ZNF28: variants seen among roughly 807,000 people sequenced by gnomAD.
ZNF28 encodes the protein zinc finger protein 28.
ZNF28 carries 5 observed loss-of-function variants against 7.2 expected under a neutral mutation model. The ratio of observed to expected loss-of-function variants is 0.70; its 90% CI spans 0.36 to 1.46. The LOEUF is 1.46. Ranked by LOEUF, ZNF28 falls within the 40% of genes most tolerant of loss-of-function variation. ZNF28 has a pLI of 0.03. For missense variants in ZNF28, 879 were observed against 866.6 expected, an observed-to-expected ratio of 1.01 and a Z score of -0.18; for synonymous variants, 288 against 292.4, an observed-to-expected ratio of 0.99 and a Z score of 0.15.
chr19:52,799,240 C>T lies in ZNF28; in HGVS notation c.*448G>A, dbSNP rs538279572. The T allele has an allele frequency of 8.2e-4, 311 of 380,452 alleles. 1 individual carries two copies. Among genetic ancestry groups the T allele is most frequent in the Non-Finnish European group, 1.3e-3 (260 of 195,710 alleles). The allele number at this position is 380,452 out of a possible 1,614,324, so 23.6% of individuals were successfully genotyped here. ...TGAATTACAAGGTATGAATTTTGAC[C>T]AAAGGTGTTGCCACACTCATCACAT... is the stretch of plus-strand genomic sequence containing the variant. On this transcript the variant is annotated 3_prime_UTR_variant, in exon 4 of 4. Coordinates refer to ENST00000457749, the MANE Select transcript of ZNF28 (RefSeq NM_006969.5).
rs2062858317 is a variant in ZNF28 at position 52,800,860 on chromosome 19, AT to A, written c.984del (p.Lys328AsnfsTer15). 5.0e-6 allele frequency: 8 copies of A among 1,613,964 alleles called. No homozygotes were observed. The highest frequency in any genetic ancestry group is 6.8e-6 in the Non-Finnish European group (8 of 1,179,978). ...KIIYTGGKPYKCKVCDKAFTC... is the reference protein window; with the variant it reads ...KIIYTGGKPYXCKVCDKAFTC... ...GTGAAAGCTTTGTCACAAACCTTAC[AT>A]TTGTATGGTTTCCCTCCAGTATAAA... On this transcript the variant is annotated frameshift_variant, in exon 4 of 4. Coordinates refer to ENST00000457749, the MANE Select transcript of ZNF28 (RefSeq NM_006969.5). LOFTEE classifies it low-confidence loss of function (END_TRUNC).
In ZNF28 at chr19:52,806,353, C is replaced by G. The variant is rs558661689; in HGVS notation, c.142+1654G>C. Among the ~76,000 whole-genome samples the G allele has an allele frequency of 3.5e-3, 535 of 152,112 alleles. 2 individuals carry two copies. Among genetic ancestry groups the G allele is most frequent in the Non-Finnish European group, 5.9e-3 (403 of 68,010 alleles). Reference sequence around the variant, plus strand: ...GGATTACAGCCACCCACCACGGCGCCTGGCTAATTTTTGTAACTTTAGTAG... The same window carrying G: ...GGATTACAGCCACCCACCACGGCGCGTGGCTAATTTTTGTAACTTTAGTAG... On this transcript the variant is annotated intron_variant, in intron 3 of 3. Transcript: ENST00000457749.
In ZNF28 at chr19:52,811,434, T is replaced by C. The variant is rs1463947617; in HGVS notation, c.16-3301A>G. On this transcript the variant is annotated intron_variant, in intron 2 of 3. Coordinates refer to ENST00000457749, the MANE Select transcript of ZNF28 (RefSeq NM_006969.5). Reference sequence around the variant, plus strand: ...GCGTCTCTGCCCGGCCGCCATCCCATCTAGGAAGCGAGGAGCGCCTCTTCC... The same window carrying C: ...GCGTCTCTGCCCGGCCGCCATCCCACCTAGGAAGCGAGGAGCGCCTCTTCC... 1.5e-3 allele frequency among the ~76,000 whole-genome samples: 218 copies of C among 141,336 alleles called. 1 individual carries two copies. Among genetic ancestry groups the C allele is most frequent in the Middle Eastern group, 3.8e-3 (1 of 260 alleles). The allele number at this position is 141,336 out of a possible 152,430, so 92.7% of individuals were successfully genotyped here.
In ZNF28 at chr19:52,801,572, C is replaced by A. The variant is rs763212425; in HGVS notation, c.273G>T (p.Glu91Asp). The A allele has an allele frequency of 1.2e-6, 2 of 1,613,998 alleles. No homozygotes were observed. Among genetic ancestry groups the A allele is most frequent in the East Asian group, 4.5e-5 (2 of 44,892 alleles). Residue 91 changes from glutamate (E) to aspartate (D), a missense_variant, in exon 4 of 4, where the codon GAG becomes GAT. Around this residue, in one of 2 missense-constraint regions of ZNF28, gnomAD observed 864 missense variants for 830.2 expected, o/e 1.04. Coordinates refer to ENST00000457749, the MANE Select transcript of ZNF28 (RefSeq NM_006969.5). The stretch of plus-strand genomic sequence containing the variant: ...GAAACTGGAAGCCATGAATGTCTTT[C>A]TCAATTTTCTGGAAGCAAAAATCTC... ...HIGDFCFQKI[E>D]KDIHGFQFQW...
At chr19:52,810,206 G>C in intron 2 of ZNF28, 1 of 1,067,586 alleles carries the variant, frequency 9.4e-7, no homozygotes, top group Non-Finnish European at 1.5e-6. Flanking sequence ...AGCTAAAGGA[G>C]CTACAGAACG....
At chr19:52,807,535 G>A (rs1355512724) in intron 3 of ZNF28, among the ~76,000 whole-genome samples, 1 of 152,170 alleles carries the variant, frequency 6.6e-6, no homozygotes, top group Non-Finnish European at 1.5e-5. Context: ...GTGCAGTGGT[G>A]TGTTCTCAGC....
At chr19:52,808,629 C>T (rs1000978818) in intron 2 of ZNF28, among the ~76,000 whole-genome samples, 7 of 122,236 alleles carry the variant, frequency 5.7e-5, no homozygotes, top group Non-Finnish European at 5.2e-5. Context: ...AACTCCATCT[C>T]AAAAAAAAAA....
Position 52,800,573 on chromosome 19 carries a change from T to G in ZNF28, c.1272A>C (p.Ser424=). Reference sequence around the variant, plus strand: ...GAATTATACTATGTTTTGCCAGGTATGAATTATATGCAAAAGCCTTGTCAC... The same window carrying G: ...GAATTATACTATGTTTTGCCAGGTAGGAATTATATGCAAAAGCCTTGTCAC... The part of the protein sequence containing the change: ...KVCDKAFAYN[S]YLAKHSIIHT... The change falls in exon 4 of 4, where the codon TCA becomes TCC. Residue 424 remains serine, a synonymous_variant. Coordinates refer to ENST00000457749, the MANE Select transcript of ZNF28 (RefSeq NM_006969.5). 1 of 1,613,672 alleles carries G rather than the reference T, an allele frequency of 6.2e-7. No individual in the cohort carries two copies.
At position 52,800,989 on chromosome 19, in the gene ZNF28, G is replaced by T; in HGVS notation, c.856C>A (p.Leu286Ile). 2.5e-6 allele frequency: 4 copies of T among 1,614,128 alleles called. No individual in the cohort carries two copies. The highest frequency in any genetic ancestry group is 3.4e-6 in the Non-Finnish European group (4 of 1,180,002). Residue 286 changes from leucine (L) to isoleucine (I), a missense_variant, in exon 4 of 4, where the codon CTC becomes ATC. Transcript: ENST00000457749. ...CGKIFGHNTS[L>I]FLHKALHTAD... ...GTATGAAGCGCCTTGTGAAGGAAGAGGGATGTATTGTGACCAAAGATCTTG... is the reference window on the plus strand; with the variant it reads ...GTATGAAGCGCCTTGTGAAGGAAGATGGATGTATTGTGACCAAAGATCTTG...
Position 52,801,393 on chromosome 19 carries a change from A to G in ZNF28, c.452T>C (p.Leu151Pro), listed in dbSNP as rs750069668. 5.1e-5 allele frequency: 83 copies of G among 1,614,086 alleles called. No individual in the cohort carries two copies. The highest frequency in any genetic ancestry group is 6.7e-5 in the Non-Finnish European group (79 of 1,180,042). ...TTTCCCTTCAGGCTGAAATATGTGC[A>G]GTTCAGGCAGATGCGAATGAAAGCT... ...GLSFHSHLPELHIFQPEGKIG... is the reference protein window; with the variant it reads ...GLSFHSHLPEPHIFQPEGKIG... Residue 151 changes from leucine to proline, a missense_variant, in exon 4 of 4, where the codon CTG becomes CCG. Physicochemically the swap from Leu to Pro is moderately conservative, Grantham distance 98. This residue lies in a region of ZNF28 where 864 missense variants were observed against 830.2 expected (regional missense o/e 1.04). Coordinates refer to ENST00000457749, the MANE Select transcript of ZNF28 (RefSeq NM_006969.5).
chr19:52,811,787 A>G (rs1319099567), intron 2 of ZNF28, among the ~76,000 whole-genome samples: 8 of 143,640 alleles, frequency 5.6e-5, no homozygotes, highest in African/African-American at 1.9e-4. Flanking sequence ...CCGCCCGGCC[A>G]GCCGCCCCGT....
chr19:52,798,588 C>A lies in ZNF28; in HGVS notation c.*1100G>T, dbSNP rs2062824374. ...TGAATGTGAAGTAAACGCTTTGCCA[C>A]AATCATCACACTTGTGAGTTTCTCT... On this transcript the variant is annotated 3_prime_UTR_variant, in exon 4 of 4. Transcript: ENST00000457749. 2 of 480,716 alleles carry A rather than the reference C, an allele frequency of 4.2e-6. No individual in the cohort carries two copies. Among genetic ancestry groups the A allele is most frequent in the Admixed American group, 4.7e-5 (2 of 42,846 alleles). 29.8% of individuals were successfully genotyped at this position (480,716 alleles called of 1,614,324 possible). A position where few individuals can be genotyped will look rare whatever the true frequency, so the allele number is the denominator to read the frequency against.
At chr19:52,808,845 C>T (rs1295123587) in intron 2 of ZNF28, among the ~76,000 whole-genome samples, 1 of 151,868 alleles carries the variant, frequency 6.6e-6, no homozygotes, top group Non-Finnish European at 1.5e-5. Flanking sequence ...AACAAAATTA[C>T]TCAAAGTACA....
intron 2 of ZNF28, among the ~76,000 whole-genome samples, chr19:52,815,897 A>G (rs191757771): frequency 6.8e-6 from 1 of 147,532 alleles, no homozygotes; most frequent in Non-Finnish European, 1.5e-5. Flanking sequence ...ACAAACTCCA[A>G]TGACGTGAGT....
chr19:52,808,331 G>A (rs533799179), intron 2 of ZNF28, among the ~76,000 whole-genome samples, 198 bp from the exon 3 acceptor site: 1 of 152,222 alleles, frequency 6.6e-6, no homozygotes, highest in South Asian at 2.1e-4. Flanking sequence ...AAATTCCTAA[G>A]TTTGTGAAAA....
At chr19:52,812,706 A>G (rs921215271) in intron 2 of ZNF28, among the ~76,000 whole-genome samples, 9 of 124,986 alleles carry the variant, frequency 7.2e-5, no homozygotes, top group Admixed American at 1.8e-4. Flanking sequence ...TCCCTCCACT[A>G]TTGTCCTATG....
intron 2 of ZNF28, among the ~76,000 whole-genome samples, chr19:52,811,938 GCGCC>G (rs2063052267): frequency 1.2e-5 from 1 of 82,028 alleles, no homozygotes; most frequent in Non-Finnish European, 2.5e-5. Context: ...GAGGTGAGGG[GCGCC>G]TCTGCCCGGC....
chr19:52,800,720 C>G lies in ZNF28; in HGVS notation c.1125G>C (p.Arg375Ser). The G allele has an allele frequency of 6.2e-7, 1 of 1,607,350 alleles. No homozygotes were observed. Reference sequence around the variant, plus strand: ...CATAAGGTTTCTCTCCAGTATGAAGCCTACGATGGCGTGCAAGGGTTGACA... The same window carrying G: ...CATAAGGTTTCTCTCCAGTATGAAGGCTACGATGGCGTGCAAGGGTTGACA... The part of the protein sequence containing the change: ...NRLSTLARHR[R>S]LHTGEKPYEC... The change falls in exon 4 of 4, where the codon AGG becomes AGC. Residue 375 changes from arginine (R) to serine (S), a missense_variant. Arg to Ser is a moderately radical substitution (Grantham distance 110). Around this residue, in one of 2 missense-constraint regions of ZNF28, gnomAD observed 864 missense variants for 830.2 expected, o/e 1.04. Coordinates refer to ENST00000457749, the MANE Select transcript of ZNF28 (RefSeq NM_006969.5).
At position 52,798,924 on chromosome 19, in the gene ZNF28, C is replaced by A; in HGVS notation, c.*764G>T. 7.0e-7 allele frequency: 1 copy of A among 1,436,096 alleles called. No individual in the cohort carries two copies. The highest frequency in any genetic ancestry group is 9.4e-7 in the Non-Finnish European group (1 of 1,062,614). The allele number at this position is 1,436,096 out of a possible 1,614,324, so 89.0% of individuals were successfully genotyped here. On this transcript the variant is annotated 3_prime_UTR_variant, in exon 4 of 4. Coordinates refer to ENST00000457749, the MANE Select transcript of ZNF28 (RefSeq NM_006969.5). ...TGCCCACTAAAGGCTTTGCCACACTCATTGCACTTGTAAGGTTTCTCTCCA... is the reference window on the plus strand; with the variant it reads ...TGCCCACTAAAGGCTTTGCCACACTAATTGCACTTGTAAGGTTTCTCTCCA...
Sources: allele counts gnomAD v4.1 joint callset (sites outside exome capture counted in the v4.1 genomes callset), GRCh38; gene constraint gnomAD v4.1.1; regional missense constraint gnomAD v4.1.1; transcripts MANE v1.5; gene names NCBI Gene and HGNC (gene_info 2026-07-23, HGNC 2026-07-21).